Variants in OCA2 observed in about 807,000 individuals in gnomAD.
OCA2 encodes the protein P protein.
Under a neutral mutation model 100.2 loss-of-function variants are expected in OCA2, and 77 were observed. That is an observed-to-expected ratio of 0.77 (90% CI 0.64 to 0.93). OCA2 has a LOEUF of 0.93. Ranked by LOEUF, OCA2 falls within the 40% of genes least tolerant of loss-of-function variation. The probability of loss-of-function intolerance (pLI) is 0.00; values close to 1 mark genes in which losing one functional copy is unlikely to be tolerated. For synonymous variants in OCA2, 432 were observed against 439.2 expected, an observed-to-expected ratio of 0.98 and a Z score of 0.21; for missense variants, 1,062 against 1,089.1, an observed-to-expected ratio of 0.98 and a Z score of 0.35.
chr15:27,856,505 G>C (rs1014422091), intron 21 of OCA2, among the ~76,000 whole-genome samples: 1 of 152,144 alleles, frequency 6.6e-6, no homozygotes, highest in Non-Finnish European at 1.5e-5. Flanking sequence ...GTGACTTGCT[G>C]ATATCAGGGC....
intron 22 of OCA2, among the ~76,000 whole-genome samples, chr15:27,849,769 A>G (rs748310798): frequency 6.7e-6 from 1 of 150,364 alleles, no homozygotes; most frequent in Non-Finnish European, 1.5e-5. Flanking sequence ...GAATGTCCCT[A>G]ATGCCACTGA....
intron 9 of OCA2, among the ~76,000 whole-genome samples, chr15:27,995,536 G>A (rs2041695553): frequency 6.7e-6 from 1 of 149,524 alleles, no homozygotes; most frequent in Non-Finnish European, 1.5e-5. Flanking sequence ...AGGACTACAA[G>A]TGTACACCAC....
intron 23 of OCA2, among the ~76,000 whole-genome samples, chr15:27,762,879 T>G (rs1255190167): frequency 1.3e-5 from 2 of 152,256 alleles, no homozygotes; most frequent in Non-Finnish European, 2.9e-5. Context: ...CTCCTGCTTA[T>G]AAGTGAGAAC....
intron 9 of OCA2, among the ~76,000 whole-genome samples, chr15:27,993,791 C>A (rs1314545156): frequency 6.6e-6 from 1 of 152,202 alleles, no homozygotes. Flanking sequence ...AACCCACCCT[C>A]TTCCACCAGC....
At chr15:28,082,236 T>C (rs979640188) in intron 1 of OCA2, among the ~76,000 whole-genome samples, 19 of 152,054 alleles carry the variant, frequency 1.2e-4, no homozygotes, top group African/African-American at 4.3e-4. Flanking sequence ...CTCTGTAAAA[T>C]GGACCAATCA....
At chr15:27,855,289 T>C (rs1445832382) in intron 21 of OCA2, among the ~76,000 whole-genome samples, 5 of 152,228 alleles carry the variant, frequency 3.3e-5, no homozygotes, top group Non-Finnish European at 7.3e-5. Flanking sequence ...TTTCCATCTC[T>C]GAAGTCTGCC....
the OCA2 span, among the ~76,000 whole-genome samples, chr15:27,720,224 A>G: frequency 6.6e-6 from 1 of 152,124 alleles, no homozygotes; most frequent in Non-Finnish European, 1.5e-5. Context: ...CCAAACGTCC[A>G]TTAAGAGTGA....
At chr15:27,925,701 T>A (rs182894423) in intron 19 of OCA2, among the ~76,000 whole-genome samples, 26 of 152,308 alleles carry the variant, frequency 1.7e-4, no homozygotes, top group Non-Finnish European at 3.1e-4. Context: ...GTAACAACAA[T>A]TGTAATGGAA....
chr15:27,788,311 A>C (rs569201790), intron 23 of OCA2, among the ~76,000 whole-genome samples: 1 of 152,098 alleles, frequency 6.6e-6, no homozygotes, highest in Non-Finnish European at 1.5e-5. Flanking sequence ...TCCATTATTA[A>C]GAAGAGGTTA....
intron 21 of OCA2, among the ~76,000 whole-genome samples, chr15:27,862,538 G>A (rs1323248935): frequency 4.0e-5 from 6 of 150,168 alleles, no homozygotes; most frequent in South Asian, 2.1e-4. Flanking sequence ...GAAGTGGTGC[G>A]ATCTCGGCTC....
chr15:27,956,924 A>G (rs2040240987), intron 16 of OCA2, among the ~76,000 whole-genome samples: 1 of 152,142 alleles, frequency 6.6e-6, no homozygotes. Flanking sequence ...AAGGGTTCAC[A>G]TTTCCCCTTG....
intron 23 of OCA2, among the ~76,000 whole-genome samples, chr15:27,772,222 G>T (rs749286459): frequency 1.3e-4 from 20 of 152,208 alleles, no homozygotes; most frequent in Non-Finnish European, 2.8e-4. Flanking sequence ...AATTTAAAAT[G>T]TATAAAGTAG....
intron 19 of OCA2, chr15:27,896,605 T>C (rs2037699774): frequency 8.1e-6 from 2 of 246,128 alleles, no homozygotes; most frequent in South Asian, 1.5e-4. Context: ...TCCATGAGGA[T>C]TTTTCAGATG....
At chr15:27,731,174 T>G in the OCA2 span, among the ~76,000 whole-genome samples, 2 of 152,146 alleles carry the variant, frequency 1.3e-5, no homozygotes, top group South Asian at 4.1e-4. Context: ...TTTCATTCAA[T>G]TTTGCACTTG....
intron 9 of OCA2, among the ~76,000 whole-genome samples, chr15:27,994,779 G>A (rs1377093564): frequency 1.3e-5 from 2 of 152,306 alleles, no homozygotes; most frequent in East Asian, 3.9e-4. Context: ...TTTGGGGGCA[G>A]CCCCCAAGGA....
chr15:28,083,036 C>T (rs941143755), intron 1 of OCA2, among the ~76,000 whole-genome samples: 5 of 152,204 alleles, frequency 3.3e-5, no homozygotes, highest in Non-Finnish European at 7.3e-5. Flanking sequence ...ACTGACTGTG[C>T]ACTTTGGCCA....
chr15:27,781,907 G>A (rs1057082240), intron 23 of OCA2, among the ~76,000 whole-genome samples: 8 of 152,192 alleles, frequency 5.3e-5, no homozygotes, highest in Admixed American at 3.9e-4. Flanking sequence ...GGAGTCAAGC[G>A]ATCTGCTGGA....
chr15:27,985,320 CG>C (rs1369113920), intron 12 of OCA2, 132 bp from the exon 13 acceptor site: 9 of 1,082,224 alleles, frequency 8.3e-6, no homozygotes, highest in African/African-American at 4.7e-5. Flanking sequence ...CATAGACCCA[CG>C]GAGTCCTAGG....
intron 23 of OCA2, among the ~76,000 whole-genome samples, chr15:27,818,955 G>C (rs1173444635): frequency 6.6e-6 from 1 of 152,172 alleles, no homozygotes; most frequent in Non-Finnish European, 1.5e-5. Context: ...GTAGGCTTCG[G>C]CTCATGCTGC....
Sources: gnomAD v4.1 joint callset for allele counts (sites outside exome capture counted in the v4.1 genomes callset) on GRCh38, gnomAD v4.1.1 for gene constraint, MANE v1.5 for transcripts, NCBI Gene and HGNC (gene_info 2026-07-23, HGNC 2026-07-21) for gene names.